Variants in CEACAM20 observed in about 807,000 individuals in gnomAD.
CEACAM20 encodes cell adhesion molecule CEACAM20.
A neutral mutation model predicts 61.2 loss-of-function variants in CEACAM20; 50 were observed. That is an observed-to-expected ratio of 0.82 (90% CI 0.65 to 1.03). The LOEUF (loss-of-function observed/expected upper bound fraction) is 1.03. Ranked by LOEUF, CEACAM20 falls within the 50% of genes least tolerant of loss-of-function variation. The pLI is 0.00. For synonymous variants in CEACAM20, 282 were observed against 287.7 expected, an observed-to-expected ratio of 0.98 and a Z score of 0.20; for missense variants, 683 against 736.4, an observed-to-expected ratio of 0.93 and a Z score of 0.84.
At chr19:44,517,976 G>C (rs940110657) in intron 5 of CEACAM20, among the ~76,000 whole-genome samples, 5 of 151,552 alleles carry the variant, frequency 3.3e-5, no homozygotes, top group African/African-American at 1.2e-4. Flanking sequence ...GCAGCTACTC[G>C]AGTGGCTAAG....
At chr19:44,521,310 G>C (rs905910887) in intron 4 of CEACAM20, among the ~76,000 whole-genome samples, 2 of 152,116 alleles carry the variant, frequency 1.3e-5, no homozygotes, top group African/African-American at 4.8e-5. Context: ...TCCATCTTGA[G>C]TGTCTGTGAT....
rs1330256669 is a variant in CEACAM20 at position 44,522,766 on chromosome 19, T to G, written c.619A>C (p.Ile207Leu). The change falls in exon 4 of 12, where the codon ATT (isoleucine) becomes CTT (leucine). Residue 207 changes from isoleucine to leucine, a missense_variant. By Grantham distance (5) the Ile-to-Leu change is conservative (BLOSUM62 2). Coordinates refer to ENST00000614924, the MANE Select transcript of CEACAM20 (RefSeq NM_001102597.3). ...AATGTTCTCGTGGTGTGAGACAGAA[T>G]GGAGTCAAGGAGAAACCAAGTATAG... ...CAYTWFLLDS[I>L]LSHTTRTFTI... is the part of the protein sequence containing the mutation. 2.5e-6 allele frequency: 4 copies of G among 1,613,794 alleles called. No homozygotes were observed. The highest frequency in any genetic ancestry group is 3.4e-6 in the Non-Finnish European group (4 of 1,179,878).
chr19:44,528,956 C>CTTTTTTTTTTTTTTTTT (rs71171255), intron 1 of CEACAM20, among the ~76,000 whole-genome samples: 1 of 92,642 alleles, frequency 1.1e-5, no homozygotes, highest in Non-Finnish European at 2.0e-5. Flanking sequence ...CTCTTTCTTT[C>CTTTTTTTTTTTTTTTTT]TTTTTTTTTT....
chr19:44,508,443 G>A (rs956781632), intron 11 of CEACAM20, among the ~76,000 whole-genome samples: 5 of 152,172 alleles, frequency 3.3e-5, no homozygotes, highest in African/African-American at 9.7e-5. Context: ...AGGCTGGAGT[G>A]CAGTAGCTCG....
chr19:44,515,030 G>A (rs1406053545), intron 6 of CEACAM20, among the ~76,000 whole-genome samples: 1 of 151,828 alleles, frequency 6.6e-6, no homozygotes, highest in African/African-American at 2.4e-5. Flanking sequence ...TAGAGATTGG[G>A]TTTCACCATG....
chr19:44,512,781 TG>T, intron 8 of CEACAM20, 86 bp downstream of exon 8: 1 of 1,052,778 alleles, frequency 9.5e-7, no homozygotes, highest in Non-Finnish European at 1.4e-6. Flanking sequence ...TACAGTGACC[TG>T]GTGGCAAAGC....
intron 11 of CEACAM20, among the ~76,000 whole-genome samples, chr19:44,510,200 G>C (rs1275300080): frequency 6.6e-6 from 1 of 152,038 alleles, no homozygotes; most frequent in African/African-American, 2.4e-5. Flanking sequence ...AAACAAAGCT[G>C]AGTGGAATGG....
intron 2 of CEACAM20, among the ~76,000 whole-genome samples, chr19:44,524,529 G>A (rs1459814593): frequency 6.6e-6 from 1 of 152,160 alleles, no homozygotes; most frequent in Non-Finnish European, 1.5e-5. Flanking sequence ...ATCAATGTCA[G>A]CTGCAATGAC....
At chr19:44,525,825 G>A (rs1254697046) in intron 1 of CEACAM20, among the ~76,000 whole-genome samples, 1 of 152,096 alleles carries the variant, frequency 6.6e-6, no homozygotes, top group Admixed American at 6.6e-5. Context: ...GGGTTGTTGT[G>A]GGGGTGGCAA....
In CEACAM20 at chr19:44,517,101, T is replaced by A; in HGVS notation, c.1154A>T (p.Tyr385Phe). 6.2e-7 allele frequency: 1 copy of A among 1,612,544 alleles called. No individual in the cohort carries two copies. Among genetic ancestry groups the A allele is most frequent in the Non-Finnish European group, 8.5e-7 (1 of 1,179,334 alleles). Residue 385 changes from tyrosine (Y) to phenylalanine (F), a missense_variant, in exon 6 of 12, where the codon TAT (tyrosine) becomes TTT (phenylalanine). By Grantham distance (22) the Tyr-to-Phe change is conservative (BLOSUM62 3). Coordinates refer to ENST00000614924, the MANE Select transcript of CEACAM20 (RefSeq NM_001102597.3). ...GGTGGAGTGTTCAAGAGTCCAGCGA[T>A]ACTCAGCACCTGGCTTGGACTCGGC... ...CWAESKPGAE[Y>F]RWTLEHSTGE... is the part of the protein sequence containing the mutation.
chr19:44,520,677 C>T lies in CEACAM20; in HGVS notation c.827G>A (p.Cys276Tyr), dbSNP rs1310116211. 3.7e-6 allele frequency: 6 copies of T among 1,613,882 alleles called. No individual in the cohort carries two copies. The highest frequency in any genetic ancestry group is 2.2e-5 in the East Asian group (1 of 44,888). ...VENARSVDLTCQTVNQSVNVQ... is the reference protein window; with the variant it reads ...VENARSVDLTYQTVNQSVNVQ... ...ATTCACACTCTGATTGACGGTTTGG[C>T]AGGTCAGGTCCACAGACCTAGCATT... Residue 276 changes from cysteine (C) to tyrosine (Y), a missense_variant, in exon 5 of 12, where the codon TGC becomes TAC. Cys to Tyr is a radical substitution (Grantham distance 194). Coordinates refer to ENST00000614924, the MANE Select transcript of CEACAM20 (RefSeq NM_001102597.3).
At chr19:44,526,014 C>A (rs968777881) in intron 1 of CEACAM20, among the ~76,000 whole-genome samples, 1 of 152,248 alleles carries the variant, frequency 6.6e-6, no homozygotes, top group African/African-American at 2.4e-5. Context: ...AAACTTGAAC[C>A]TGGCCTGCCA....
intron 6 of CEACAM20, among the ~76,000 whole-genome samples, chr19:44,515,734 C>G (rs187319936): frequency 6.6e-6 from 1 of 152,016 alleles, no homozygotes; most frequent in African/African-American, 2.4e-5. Flanking sequence ...GAGGCTGAAG[C>G]GGGACGATCA....
chr19:44,523,044 G>C, intron 3 of CEACAM20, 132 bp from the exon 4 acceptor site: 2 of 764,610 alleles, frequency 2.6e-6, no homozygotes, highest in Non-Finnish European at 4.2e-6. Flanking sequence ...TGCAAACGAG[G>C]TACAGCAGTC....
At chr19:44,516,855 C>T (rs1293576727) in intron 6 of CEACAM20, 91 bp downstream of exon 6, 1 of 1,428,220 alleles carries the variant, frequency 7.0e-7, no homozygotes, top group East Asian at 2.5e-5. Context: ...CTGCCACACT[C>T]CAGCCCTCGG....
At chr19:44,511,876 G>A (rs1005055608) in intron 9 of CEACAM20, 141 bp downstream of exon 9, 2 of 896,348 alleles carry the variant, frequency 2.2e-6, no homozygotes, top group Admixed American at 4.7e-5. Context: ...GATCCTCAGA[G>A]AAGTCAGAGG....
At chr19:44,513,004 C>A in intron 7 of CEACAM20, 51 bp from the exon 8 acceptor site, 1 of 1,494,540 alleles carries the variant, frequency 6.7e-7, no homozygotes, top group South Asian at 1.2e-5. Context: ...TTGCCCATCT[C>A]CACAGGTTCT....
intron 11 of CEACAM20, among the ~76,000 whole-genome samples, chr19:44,506,452 G>A (rs763533623): frequency 2.0e-5 from 3 of 152,140 alleles, no homozygotes; most frequent in Non-Finnish European, 4.4e-5. Flanking sequence ...CTGCCTCCTG[G>A]TATTCATTCC....
At chr19:44,524,943 T>A (rs1971481598) in intron 2 of CEACAM20, among the ~76,000 whole-genome samples, 158 bp downstream of exon 2, 1 of 152,076 alleles carries the variant, frequency 6.6e-6, no homozygotes, top group African/African-American at 2.4e-5. Context: ...CCCTCCCTCT[T>A]TACCCCTGAC....
Sources: allele counts gnomAD v4.1 joint callset (sites outside exome capture counted in the v4.1 genomes callset), GRCh38; gene constraint gnomAD v4.1.1; transcripts MANE v1.5; gene names NCBI Gene and HGNC (gene_info 2026-07-23, HGNC 2026-07-21).